Variants in PRKCH observed in about 807,000 individuals in gnomAD.
PRKCH encodes protein kinase C eta type.
PRKCH carries 28 observed loss-of-function variants against 82.5 expected under a neutral mutation model. That is an observed-to-expected ratio of 0.34 (90% CI 0.25 to 0.47). The LOEUF (loss-of-function observed/expected upper bound fraction) is 0.47, where lower values mean the gene tolerates loss of function less well. Ranked by LOEUF, PRKCH falls within the 20% of genes least tolerant of loss-of-function variation. PRKCH has a pLI of 1.00. For missense variants in PRKCH, 705 were observed against 881.8 expected (o/e 0.80, Z 2.54); for synonymous variants, 322 against 327.4 (o/e 0.98, Z 0.18).
At chr14:61,490,362 A>G (rs891189904) in intron 10 of PRKCH, among the ~76,000 whole-genome samples, 1 of 152,260 alleles carries the variant, frequency 6.6e-6, no homozygotes, top group African/African-American at 2.4e-5. Context: ...TTAAAAATTC[A>G]GAATTTGGGA....
chr14:61,191,722 T>C (rs771408259), intron 1 of PRKCH, among the ~76,000 whole-genome samples: 1 of 152,220 alleles, frequency 6.6e-6, no homozygotes, highest in Non-Finnish European at 1.5e-5. Flanking sequence ...CGTCTCAACT[T>C]ACTCCTTCTG....
rs557505014 is a variant in PRKCH, at chr14:61,315,316, C to G, written c.-19+127648C>G. On this transcript the variant is annotated intron_variant, in intron 1 of 3. Transcript: ENST00000555185. ...GAATCATGCTGGGATGGAGCTTAGG[C>G]ATTTATTTTTCCAAAAATTCGTCAA... 7.2e-5 allele frequency among the ~76,000 whole-genome samples: 11 copies of G among 152,224 alleles called. No homozygotes were observed. In the South Asian group the frequency reaches 2.3e-3, roughly 32 times the overall value.
intron 1 of PRKCH, among the ~76,000 whole-genome samples, chr14:61,328,063 A>G (rs2045722719): frequency 6.6e-6 from 1 of 151,748 alleles, no homozygotes; most frequent in Non-Finnish European, 1.5e-5. Context: ...ATCCTGGCTA[A>G]CAAGGTGAAA....
chr14:61,242,382 A>C (rs1344740760), intron 1 of PRKCH, among the ~76,000 whole-genome samples: 1 of 152,188 alleles, frequency 6.6e-6, no homozygotes, highest in African/African-American at 2.4e-5. Context: ...GGCAATGCTT[A>C]TTTATACACT....
intron 11 of PRKCH, 106 bp from the exon 12 acceptor site, chr14:61,530,301 T>A (rs1092184): frequency 0.75 from 865,980 of 1,148,768 alleles, 337,963 homozygotes; most frequent in Non-Finnish European, 0.8. Flanking sequence ...GAGACTTTTT[T>A]AAAAAAACTT....
chr14:61,217,218 C>T (rs1027665695), intron 1 of PRKCH, among the ~76,000 whole-genome samples: 5 of 152,016 alleles, frequency 3.3e-5, no homozygotes, highest in African/African-American at 1.2e-4. Context: ...GTGAGTCTCT[C>T]CCATCTCTAA....
chr14:61,494,183 T>C (rs1886568094), intron 10 of PRKCH, among the ~76,000 whole-genome samples: 1 of 152,156 alleles, frequency 6.6e-6, no homozygotes, highest in South Asian at 2.1e-4. Flanking sequence ...TAGCTATTAG[T>C]TGAGACCACG....
At chr14:61,294,611 G>C (rs2045391368) in intron 1 of PRKCH, among the ~76,000 whole-genome samples, 1 of 151,834 alleles carries the variant, frequency 6.6e-6, no homozygotes, top group Admixed American at 6.6e-5. Context: ...TTTATTGATG[G>C]AATATAAGAT....
chr14:61,481,718 ACT>A (rs1206037226), intron 9 of PRKCH, among the ~76,000 whole-genome samples: 2 of 152,126 alleles, frequency 1.3e-5, no homozygotes, highest in Non-Finnish European at 2.9e-5. Context: ...GACTTCTGTC[ACT>A]CTATAGCCAT....
Position 61,299,031 on chromosome 14 carries a change from C to T in PRKCH, c.-19+111363C>T, listed in dbSNP as rs184742606. Among the ~76,000 whole-genome samples the T allele has an allele frequency of 1.5e-3, 226 of 152,306 alleles. 4 individuals are homozygous for T. Among genetic ancestry groups the T allele is most frequent in the Admixed American group, 0.015 (226 of 15,302 alleles). Reference sequence around the variant, plus strand: ...TTGGCATGCTTCTGGGGTCTGGTGTCACTTCTCCCTTGATTCTTCCCTTGG... The same window carrying T: ...TTGGCATGCTTCTGGGGTCTGGTGTTACTTCTCCCTTGATTCTTCCCTTGG... On this transcript the variant is annotated intron_variant, in intron 1 of 3. Transcript: ENST00000555185.
intron 1 of PRKCH, among the ~76,000 whole-genome samples, chr14:61,290,797 G>A (rs1169875155): frequency 1.3e-5 from 2 of 152,124 alleles, no homozygotes; most frequent in Admixed American, 1.3e-4. Flanking sequence ...TCAGTTAATA[G>A]GGTTGCTTAA....
At chr14:61,499,629 C>T (rs1386323267) in intron 10 of PRKCH, among the ~76,000 whole-genome samples, 4 of 152,100 alleles carry the variant, frequency 2.6e-5, no homozygotes, top group Admixed American at 6.5e-5. Context: ...TACTGTGTTC[C>T]GCTGACAAAA....
At chr14:61,531,570 G>A (rs1017740237) in intron 12 of PRKCH, among the ~76,000 whole-genome samples, 1 of 152,190 alleles carries the variant, frequency 6.6e-6, no homozygotes, top group Non-Finnish European at 1.5e-5. Flanking sequence ...GGGTCACTGT[G>A]TACTGGGGCT....
intron 1 of PRKCH, among the ~76,000 whole-genome samples, chr14:61,289,981 A>G (rs1472733883): frequency 5.9e-5 from 9 of 152,140 alleles, no homozygotes; most frequent in Non-Finnish European, 1.3e-4. Flanking sequence ...AGAACTTTAA[A>G]GATTTCTGCC....
chr14:61,211,691 G>A (rs946312921), intron 1 of PRKCH, among the ~76,000 whole-genome samples: 9 of 152,096 alleles, frequency 5.9e-5, no homozygotes, highest in Non-Finnish European at 1.2e-4. Context: ...ACTGCAGCCC[G>A]CTCCTCACCC....
At chr14:61,209,749 A>G (rs2044555286) in intron 1 of PRKCH, among the ~76,000 whole-genome samples, 1 of 152,140 alleles carries the variant, frequency 6.6e-6, no homozygotes, top group Admixed American at 6.5e-5. Flanking sequence ...TACCGTACCC[A>G]TCACCCAAAT....
At chr14:61,502,804 T>G (rs2139954777) in intron 10 of PRKCH, among the ~76,000 whole-genome samples, 1 of 152,194 alleles carries the variant, frequency 6.6e-6, no homozygotes, top group East Asian at 1.9e-4. Flanking sequence ...TCCAAGCAGC[T>G]AGAAGCTTGC....
intron 1 of PRKCH, among the ~76,000 whole-genome samples, chr14:61,359,478 C>T (rs1038336236): frequency 5.9e-5 from 9 of 152,206 alleles, no homozygotes; most frequent in African/African-American, 2.2e-4. Context: ...GTAATGTTAA[C>T]ACTTTCTATT....
chr14:61,272,344 CTTTTTTTTTTTTT>C (rs1162331604), intron 1 of PRKCH, among the ~76,000 whole-genome samples: 2 of 23,624 alleles, frequency 8.5e-5, no homozygotes, highest in Admixed American at 1.1e-3. Context: ...TTTTTTCTTT[CTTTTTTTTTTTTT>C]TTTTTTTTTT....
Sources: allele counts gnomAD v4.1 joint callset (sites outside exome capture counted in the v4.1 genomes callset), GRCh38; gene constraint gnomAD v4.1.1; transcripts MANE v1.5; gene names NCBI Gene and HGNC (gene_info 2026-07-23, HGNC 2026-07-21).